SHANK2: variants seen among roughly 807,000 people sequenced by gnomAD.
SHANK2 encodes the protein SH3 and multiple ankyrin repeat domains 2.
In SHANK2, 43 loss-of-function variants were observed where a neutral mutation model predicts 133.7. The ratio of observed to expected loss-of-function variants is 0.32; its 90% CI spans 0.25 to 0.41. SHANK2 has a LOEUF of 0.41. Among genes scored for constraint, SHANK2 ranks in the 10% least tolerant of loss-of-function variants. The pLI, the probability that SHANK2 is intolerant of heterozygous loss-of-function variation, is 1.00. For synonymous variants in SHANK2, 1,017 were observed against 952.8 expected (o/e 1.07, Z -1.24); for missense variants, 1,994 against 2,235.8 (o/e 0.89, Z 2.18).
intron 10 of SHANK2, among the ~76,000 whole-genome samples, chr11:70,908,567 G>A (rs1435679519): frequency 5.3e-5 from 8 of 152,194 alleles, no homozygotes; most frequent in African/African-American, 1.9e-4. Flanking sequence ...GTGACCTTCT[G>A]GTTGACCTTG....
intron 14 of SHANK2, among the ~76,000 whole-genome samples, chr11:70,745,071 C>T (rs1474434795): frequency 4.6e-5 from 7 of 152,258 alleles, no homozygotes; most frequent in African/African-American, 1.2e-4. Flanking sequence ...CCGCCCCAAG[C>T]GGCCAGGACC....
At position 70,652,409 on chromosome 11, in the gene SHANK2, A is replaced by T. The variant is rs143966150; in HGVS notation, c.2061+7419T>A. On this transcript the variant is annotated intron_variant, in intron 17 of 25. Transcript: ENST00000601538. ...ATAATAGTGGTAACAAACATCAGTC[A>T]TTATTATAATATTATTATCCCCGTT... Among the ~76,000 whole-genome samples the T allele has an allele frequency of 6.6e-5, 10 of 152,346 alleles. No individual in the cohort carries two copies. In the East Asian group the frequency reaches 1.5e-3, roughly 23 times the overall value.
intron 14 of SHANK2, among the ~76,000 whole-genome samples, chr11:70,769,336 T>C (rs1555042136): frequency 6.6e-6 from 1 of 152,118 alleles, no homozygotes; most frequent in Non-Finnish European, 1.5e-5. Context: ...CTCGTTTGGA[T>C]GATAAATGAT....
intron 14 of SHANK2, among the ~76,000 whole-genome samples, chr11:70,786,326 G>A (rs1947653088): frequency 6.6e-6 from 1 of 152,258 alleles, no homozygotes; most frequent in East Asian, 1.9e-4. Context: ...GATGGGCAGG[G>A]GCTGGGTGGA....
intron 9 of SHANK2, among the ~76,000 whole-genome samples, chr11:71,072,676 A>G (rs1951159006): frequency 2.0e-5 from 3 of 152,210 alleles, no homozygotes; most frequent in Non-Finnish European, 4.4e-5. Context: ...GATCCACACA[A>G]GGGAGTATTA....
At chr11:71,108,268 T>A (rs563023568) in intron 6 of SHANK2, among the ~76,000 whole-genome samples, 1 of 152,194 alleles carries the variant, frequency 6.6e-6, no homozygotes, top group Non-Finnish European at 1.5e-5. Flanking sequence ...ACGAGACGCA[T>A]CCACGTCAGG....
chr11:70,568,649 C>CG (rs1262458056), intron 17 of SHANK2, among the ~76,000 whole-genome samples: 2 of 118,774 alleles, frequency 1.7e-5, no homozygotes, highest in African/African-American at 5.8e-5. Flanking sequence ...GATTCCTGCC[C>CG]CCCCCGCCCA....
At position 70,486,943 on chromosome 11, in the gene SHANK2, G is replaced by A. The variant is rs782020174; in HGVS notation, c.3350C>T (p.Pro1117Leu). The A allele has an allele frequency of 6.2e-7, 1 of 1,612,364 alleles. No individual in the cohort carries two copies. Among genetic ancestry groups the A allele is most frequent in the East Asian group, 2.2e-5 (1 of 44,866 alleles). ...CATGGAGGGCCGCGTCCTGGGGGCG[G>A]GTGGCCCCAGGCCCACATCCTCATC... ...LGDEDVGLGP[P>L]APRTRPSMFP... The change falls in exon 25 of 26, where the codon CCC becomes CTC. Residue 1117 changes from proline (P) to leucine (L), a missense_variant. By Grantham distance (98) the Pro-to-Leu change is moderately conservative (BLOSUM62 -3). Transcript: ENST00000601538. The surrounding 1 kb of genome is among the most constrained non-coding windows in gnomAD (Gnocchi z 8.0).
At chr11:71,211,132 T>C (rs1555118823) in intron 2 of SHANK2, among the ~76,000 whole-genome samples, 9 of 150,822 alleles carry the variant, frequency 6.0e-5, no homozygotes. Flanking sequence ...GGCTACTCCA[T>C]ATTCCCTGGC....
At chr11:70,672,987 G>A (rs1399895677) in intron 15 of SHANK2, among the ~76,000 whole-genome samples, 3 of 152,238 alleles carry the variant, frequency 2.0e-5, no homozygotes, top group African/African-American at 7.2e-5. Flanking sequence ...CAGGATATCT[G>A]AGCAGAAGCT....
chr11:70,701,964 C>A (rs1402668077), intron 14 of SHANK2, among the ~76,000 whole-genome samples: 1 of 151,516 alleles, frequency 6.6e-6, no homozygotes, highest in Non-Finnish European at 1.5e-5. Flanking sequence ...CCACCATCAC[C>A]ATAATTACTG....
intron 3 of SHANK2, among the ~76,000 whole-genome samples, chr11:71,136,716 A>G (rs1302400760): frequency 2.0e-5 from 3 of 152,214 alleles, no homozygotes; most frequent in Admixed American, 2.0e-4. Flanking sequence ...AAATCCACAC[A>G]GACAGAAAGT....
intron 21 of SHANK2, 62 bp from the exon 22 acceptor site, chr11:70,492,527 G>GA: frequency 1.2e-6 from 2 of 1,606,876 alleles, no homozygotes; most frequent in Non-Finnish European, 1.7e-6. Context: ...GTGTAGATAG[G>GA]AAAGCGCACA....
intron 2 of SHANK2, among the ~76,000 whole-genome samples, chr11:71,214,176 T>C (rs749036): frequency 0.044 from 6,627 of 152,268 alleles, 201 homozygotes; most frequent in African/African-American, 0.084. Context: ...GGGCTTCCCC[T>C]GTGGCCCCAG....
chr11:70,622,376 C>G (rs1463293910), intron 17 of SHANK2, among the ~76,000 whole-genome samples: 1 of 152,202 alleles, frequency 6.6e-6, no homozygotes, highest in Non-Finnish European at 1.5e-5. Flanking sequence ...CTCTCCACCC[C>G]GGTGTTTGAT....
At chr11:70,555,528 T>G (rs1388170131) in intron 17 of SHANK2, among the ~76,000 whole-genome samples, 1 of 152,210 alleles carries the variant, frequency 6.6e-6, no homozygotes, top group Non-Finnish European at 1.5e-5. Flanking sequence ...GGAGGATCAC[T>G]TGAGCCCTCG....
At chr11:70,523,377 G>A (rs1319859401) in intron 17 of SHANK2, among the ~76,000 whole-genome samples, 2 of 152,234 alleles carry the variant, frequency 1.3e-5, no homozygotes, top group African/African-American at 4.8e-5. Flanking sequence ...AGTCTCAGCT[G>A]CCCCACTGTC....
rs1053723542 is a variant in SHANK2, at chr11:70,485,258, G to C, written c.4979+56C>G. 5.3e-6 allele frequency: 8 copies of C among 1,504,762 alleles called. No homozygotes were observed. The highest frequency in any genetic ancestry group is 5.5e-6 in the Non-Finnish European group (6 of 1,085,718). 93.2% of individuals were successfully genotyped at this position (1,504,762 alleles called of 1,614,324 possible). A position where few individuals can be genotyped will look rare whatever the true frequency, so the allele number is the denominator to read the frequency against. On this transcript the variant is annotated intron_variant, in intron 25 of 25. Transcript: ENST00000601538. This position sits in a 1 kb window ranked among gnomAD's most constrained non-coding sequence, Gnocchi z 5.8. ...GGCTGCTACCCGAGGGCCTTTCCTG[G>C]TCAGCAGGGACAGTGCACGCAGAGC... is the stretch of plus-strand genomic sequence containing the variant.
chr11:70,868,656 ACC>A (rs1949410869), intron 11 of SHANK2, among the ~76,000 whole-genome samples: 1 of 152,054 alleles, frequency 6.6e-6, no homozygotes, highest in South Asian at 2.1e-4. Context: ...TCAGCCTCAC[ACC>A]CCACGGGGGC....
Sources: allele counts gnomAD v4.1 joint callset (sites outside exome capture counted in the v4.1 genomes callset), GRCh38; gene constraint gnomAD v4.1.1; non-coding constraint Gnocchi (gnomAD v3.1); transcripts MANE v1.5; gene names NCBI Gene and HGNC (gene_info 2026-07-23, HGNC 2026-07-21).